VPS26C: variants seen among roughly 807,000 people sequenced by gnomAD.
The protein encoded by VPS26C is VPS26 endosomal protein sorting factor C.
In VPS26C, 19 loss-of-function variants were observed where a neutral mutation model predicts 30.6. The ratio of observed to expected loss-of-function variants is 0.62; its 90% CI spans 0.43 to 0.91. VPS26C has a LOEUF of 0.91. Ranked by LOEUF, VPS26C falls within the 40% of genes least tolerant of loss-of-function variation. VPS26C has a pLI of 0.00. For synonymous variants in VPS26C, 132 were observed against 151.5 expected (o/e 0.87, Z 0.95); for missense variants, 318 against 385.1 (o/e 0.83, Z 1.46).
At chr21:37,227,937 G>T in intron 6 of VPS26C, 131 bp from the exon 7 acceptor site, 1 of 1,218,380 alleles carries the variant, frequency 8.2e-7, no homozygotes. Context: ...CCTTAGACAC[G>T]CGGCTACTGC....
chr21:37,233,700 A>G lies in VPS26C; in HGVS notation c.352-258T>C, dbSNP rs2085990469. Among the ~76,000 whole-genome samples the G allele has an allele frequency of 6.6e-6, 1 of 152,232 alleles. No individual in the cohort carries two copies. ...GCACAGCTGGCCTGCAGTTGGACCC[A>G]CTGGCAAACAGGTGCACGGTCCCAC... On this transcript the variant is annotated intron_variant, in intron 3 of 7. Transcript: ENST00000309117. The surrounding 1 kb of genome is among the most constrained non-coding windows in gnomAD (Gnocchi z 5.2).
At position 37,224,230 on chromosome 21, in the gene VPS26C, TTAAATA is replaced by T. The variant is rs767744012; in HGVS notation, c.*1308_*1313del. The stretch of plus-strand genomic sequence containing the variant: ...GTTTTCCCCTCATGTAACTTTGCAT[TTAAATA>T]TATTCTGGGAAACTGCTGGGCACAG... On this transcript the variant is annotated 3_prime_UTR_variant, in exon 8 of 8. Coordinates refer to ENST00000309117, the MANE Select transcript of VPS26C (RefSeq NM_006052.2). The T allele has an allele frequency of 2.4e-4, 36 of 152,222 alleles. No individual in the cohort carries two copies. Among genetic ancestry groups the T allele is most frequent in the Non-Finnish European group, 4.8e-4 (33 of 68,070 alleles). 9.4% of individuals were successfully genotyped at this position (152,222 alleles called of 1,614,324 possible).
chr21:37,257,939 C>T lies in VPS26C; in HGVS notation c.57+9299G>A, dbSNP rs1334669826. Among the ~76,000 whole-genome samples the T allele has an allele frequency of 6.6e-6, 1 of 152,170 alleles. No individual in the cohort carries two copies. Among genetic ancestry groups the T allele is most frequent in the African/African-American group, 2.4e-5 (1 of 41,442 alleles). On this transcript the variant is annotated intron_variant, in intron 1 of 7. Coordinates refer to ENST00000309117, the MANE Select transcript of VPS26C (RefSeq NM_006052.2). The surrounding 1 kb of genome is among the most constrained non-coding windows in gnomAD (Gnocchi z 4.2). ...ACAGTGAAGCACCATGCAGCGCCCACCAGCCGGCAGCGCCCACCAGCCTGC... is the reference window on the plus strand; with the variant it reads ...ACAGTGAAGCACCATGCAGCGCCCATCAGCCGGCAGCGCCCACCAGCCTGC...
chr21:37,235,163 T>C (rs886271131), intron 3 of VPS26C, among the ~76,000 whole-genome samples: 7 of 152,164 alleles, frequency 4.6e-5, no homozygotes, highest in African/African-American at 1.4e-4. Context: ...TCCACCACCA[T>C]GCCCGGCTAA....
At chr21:37,256,757 CAAG>C (rs1450970450) in intron 1 of VPS26C, among the ~76,000 whole-genome samples, 4 of 152,268 alleles carry the variant, frequency 2.6e-5, no homozygotes, top group South Asian at 4.1e-4. Flanking sequence ...AGTTAGAGGA[CAAG>C]AAGAAGTACT....
rs776596890 is a variant in VPS26C at position 37,232,427 on chromosome 21, T to C, written c.457A>G (p.Ser153Gly). 9 of 1,614,124 alleles carry C rather than the reference T, an allele frequency of 5.6e-6. No homozygotes were observed. The South Asian group carries it at 8.8e-5, about 16-fold the overall frequency. ...SAPQKGKFTP[S>G]PVDFTITPET... ...GGTGTAATCGTGAAGTCCACGGGAC[T>C]GGGAGTAAACTTCCCCTTCTGAGGC... is the stretch of plus-strand genomic sequence containing the variant. Residue 153 changes from serine to glycine, a missense_variant, in exon 5 of 8, where the codon AGT becomes GGT. Transcript: ENST00000309117.
At chr21:37,267,209 C>G in intron 1 of VPS26C, 29 bp downstream of exon 1, 1 of 1,025,900 alleles carries the variant, frequency 9.7e-7, no homozygotes, top group Non-Finnish European at 1.5e-6. Context: ...CCAACCCCAC[C>G]TCCATCCCCA....
chr21:37,249,276 T>G (rs1273240122), intron 1 of VPS26C, among the ~76,000 whole-genome samples: 1 of 152,168 alleles, frequency 6.6e-6, no homozygotes, highest in East Asian at 1.9e-4. Flanking sequence ...TGATCACTAC[T>G]TGCACAATGA....
At chr21:37,251,315 T>C (rs1432106677) in intron 1 of VPS26C, among the ~76,000 whole-genome samples, 2 of 152,206 alleles carry the variant, frequency 1.3e-5, no homozygotes, top group African/African-American at 4.8e-5. Context: ...ATTCCAACAA[T>C]AGGAAAATTG....
intron 5 of VPS26C, chr21:37,230,964 T>A (rs2085955889): frequency 6.6e-6 from 1 of 152,262 alleles, no homozygotes; most frequent in Admixed American, 6.5e-5. Flanking sequence ...CCCACGTCAT[T>A]CACAGCCACA....
intron 1 of VPS26C, among the ~76,000 whole-genome samples, chr21:37,247,403 T>C (rs2086148313): frequency 6.6e-6 from 1 of 152,138 alleles, no homozygotes. Context: ...AGGAAATTAA[T>C]AAATAATGTC....
intron 1 of VPS26C, chr21:37,266,873 T>C (rs2086367961): frequency 2.8e-6 from 1 of 358,516 alleles, no homozygotes; most frequent in African/African-American, 2.2e-5. Flanking sequence ...AAGGGGAGTT[T>C]GGTCGTCAAC....
At chr21:37,235,879 A>ATTTTT (rs1248919097) in intron 3 of VPS26C, among the ~76,000 whole-genome samples, 3 of 111,294 alleles carry the variant, frequency 2.7e-5, no homozygotes, top group African/African-American at 1.0e-4. Context: ...ATATATATAT[A>ATTTTT]TTTTTTTTTT....
At chr21:37,235,288 G>A (rs375880811) in intron 3 of VPS26C, among the ~76,000 whole-genome samples, 47 of 152,148 alleles carry the variant, frequency 3.1e-4, no homozygotes, top group East Asian at 7.7e-4. Flanking sequence ...GTGAGCCACC[G>A]TGCCTGGCCT....
At chr21:37,246,419 AAACCC>A (rs2086138070) in intron 1 of VPS26C, among the ~76,000 whole-genome samples, 1 of 152,110 alleles carries the variant, frequency 6.6e-6, no homozygotes, top group Non-Finnish European at 1.5e-5. Context: ...AAAAATAAAA[AAACCC>A]AACCAAACTA....
chr21:37,261,443 A>G (rs2086302804), intron 1 of VPS26C: 1 of 152,018 alleles, frequency 6.6e-6, no homozygotes, highest in African/African-American at 2.4e-5. Context: ...TGTCATTCCC[A>G]TGTTATTTTG....
chr21:37,248,632 C>T (rs2086161175), intron 1 of VPS26C, among the ~76,000 whole-genome samples: 1 of 151,494 alleles, frequency 6.6e-6, no homozygotes, highest in Non-Finnish European at 1.5e-5. Context: ...AACCCGACAG[C>T]TTCACAGGAG....
intron 5 of VPS26C, 115 bp downstream of exon 5, chr21:37,232,262 T>C: frequency 2.4e-6 from 2 of 832,872 alleles, no homozygotes; most frequent in South Asian, 1.5e-5. Context: ...CAATCAGAAA[T>C]CTCTGCCGGC....
At chr21:37,254,450 T>C (rs535844539) in intron 1 of VPS26C, among the ~76,000 whole-genome samples, 18 of 151,626 alleles carry the variant, frequency 1.2e-4, no homozygotes, top group Middle Eastern at 6.8e-3. Context: ...TGAGCTATGA[T>C]TGTGCCACTG....
Sources: gnomAD v4.1 joint callset for allele counts (sites outside exome capture counted in the v4.1 genomes callset) on GRCh38, gnomAD v4.1.1 for gene constraint, Gnocchi (gnomAD v3.1) non-coding constraint, MANE v1.5 for transcripts, NCBI Gene and HGNC (gene_info 2026-07-23, HGNC 2026-07-21) for gene names.